The following GALNT17 variants were observed in gnomAD, a reference collection of about 807,000 sequenced individuals.
GALNT17 encodes polypeptide N-acetylgalactosaminyltransferase 17, also known as UDP-GalNAc:polypeptide N-acetylgalactosaminyltransferase-like 3.
GALNT17 carries 29 observed loss-of-function variants against 63.7 expected under a neutral mutation model. That is an observed-to-expected ratio of 0.46 (90% CI 0.34 to 0.62). The LOEUF (loss-of-function observed/expected upper bound fraction) is 0.62. Among genes scored for constraint, GALNT17 ranks in the 20% least tolerant of loss-of-function variants. The pLI is 0.01. For synonymous variants in GALNT17, 305 were observed against 318.3 expected (o/e 0.96, Z 0.45); for missense variants, 603 against 799.6 (o/e 0.75, Z 2.97).
chr7:71,227,788 A>C (rs1361612121), intron 1 of GALNT17, among the ~76,000 whole-genome samples: 1 of 152,152 alleles, frequency 6.6e-6, no homozygotes, highest in Admixed American at 6.5e-5. Context: ...TTTGCCAAAA[A>C]ACCCATTGCC....
At chr7:71,321,098 G>T (rs1312669785) in intron 1 of GALNT17, among the ~76,000 whole-genome samples, 1 of 152,134 alleles carries the variant, frequency 6.6e-6, no homozygotes, top group Admixed American at 6.5e-5. Flanking sequence ...CATGTGACCT[G>T]GTGTACAGTG....
At chr7:71,304,394 T>C (rs1348570269) in intron 1 of GALNT17, among the ~76,000 whole-genome samples, 2 of 152,206 alleles carry the variant, frequency 1.3e-5, no homozygotes, top group African/African-American at 4.8e-5. Flanking sequence ...TGGGTACAGA[T>C]GTTGTCTCTT....
intron 6 of GALNT17, among the ~76,000 whole-genome samples, chr7:71,664,015 AT>A (rs71302806): frequency 4.8e-4 from 66 of 137,280 alleles, no homozygotes; most frequent in Non-Finnish European, 6.7e-4. Context: ...CCATAAATTA[AT>A]TTTTTTTTTT....
intron 1 of GALNT17, among the ~76,000 whole-genome samples, chr7:71,186,807 A>C (rs541710624): frequency 1.4e-4 from 21 of 152,326 alleles, no homozygotes; most frequent in Admixed American, 4.6e-4. Flanking sequence ...GTACATCCAG[A>C]CTGGTGCTCT....
chr7:71,170,315 G>A (rs760741192), intron 1 of GALNT17, among the ~76,000 whole-genome samples: 2 of 151,824 alleles, frequency 1.3e-5, no homozygotes, highest in Non-Finnish European at 2.9e-5. Context: ...AAAAGTTGAA[G>A]CTTTATTTTT....
intron 1 of GALNT17, among the ~76,000 whole-genome samples, chr7:71,160,978 T>G (rs1788332148): frequency 6.6e-6 from 1 of 152,056 alleles, no homozygotes; most frequent in African/African-American, 2.4e-5. Flanking sequence ...GGACTACAGG[T>G]GCATGCCACT....
chr7:71,367,165 T>A (rs1321019840), intron 2 of GALNT17, among the ~76,000 whole-genome samples: 2 of 152,252 alleles, frequency 1.3e-5, no homozygotes, highest in African/African-American at 2.4e-5. Context: ...TTCATGTCTC[T>A]TGTAAAACCA....
intron 2 of GALNT17, among the ~76,000 whole-genome samples, chr7:71,386,489 G>A (rs1458105912): frequency 6.6e-6 from 1 of 152,020 alleles, no homozygotes; most frequent in Admixed American, 6.6e-5. Context: ...TTTCCAATGT[G>A]GCTTAGGCGT....
intron 1 of GALNT17, among the ~76,000 whole-genome samples, chr7:71,145,860 C>A (rs959637191): frequency 1.3e-5 from 2 of 152,102 alleles, no homozygotes; most frequent in Non-Finnish European, 2.9e-5. Context: ...CGGCCGCCAC[C>A]ACACCCCGCT....
intron 5 of GALNT17, among the ~76,000 whole-genome samples, chr7:71,502,592 A>G (rs1788198537): frequency 6.6e-6 from 1 of 152,194 alleles, no homozygotes; most frequent in African/African-American, 2.4e-5. Context: ...TGGGAAGACC[A>G]TGTGAACAGG....
At chr7:71,522,461 G>A (rs150451551) in intron 5 of GALNT17, among the ~76,000 whole-genome samples, 1,562 of 152,252 alleles carry the variant, frequency 0.01, 21 homozygotes, top group African/African-American at 0.036. Context: ...AGCAAGTCAC[G>A]TTTTACATGG....
chr7:71,632,046 C>T (rs1418728605), intron 6 of GALNT17, among the ~76,000 whole-genome samples: 1 of 151,392 alleles, frequency 6.6e-6, no homozygotes, highest in Admixed American at 6.6e-5. Flanking sequence ...CTGCATCCAG[C>T]CCTTTAAAGA....
chr7:71,700,318 A>G (rs912989085), intron 9 of GALNT17, among the ~76,000 whole-genome samples: 2 of 151,256 alleles, frequency 1.3e-5, no homozygotes, highest in Admixed American at 1.3e-4. Context: ...AAAAAAAAAA[A>G]AAGAAGAATT....
chr7:71,526,004 TG>T (rs1788618169), intron 5 of GALNT17, among the ~76,000 whole-genome samples: 1 of 152,042 alleles, frequency 6.6e-6, no homozygotes, highest in Admixed American at 6.6e-5. Context: ...CCTCCCAAAG[TG>T]CTGGGATTAC....
intron 5 of GALNT17, among the ~76,000 whole-genome samples, chr7:71,422,498 G>C (rs1786683959): frequency 6.6e-6 from 1 of 152,224 alleles, no homozygotes; most frequent in African/African-American, 2.4e-5. Flanking sequence ...AAAGTGAAAT[G>C]GGAGTGTTCC....
intron 5 of GALNT17, among the ~76,000 whole-genome samples, chr7:71,429,669 C>T (rs894578859): frequency 2.0e-5 from 3 of 152,060 alleles, no homozygotes; most frequent in Non-Finnish European, 2.9e-5. Context: ...CAGCCTCCAG[C>T]GGAGCTGGGA....
chr7:71,264,621 A>T (rs778036328), intron 1 of GALNT17, among the ~76,000 whole-genome samples: 1 of 152,210 alleles, frequency 6.6e-6, no homozygotes, highest in Admixed American at 6.5e-5. Context: ...TGTGGTGTGT[A>T]TGCACAGCAG....
At position 71,156,581 on chromosome 7, in the gene GALNT17, C is replaced by T. The variant is rs1788238791; in HGVS notation, c.238+23541C>T. The stretch of plus-strand genomic sequence containing the variant: ...AAATTCATTTATTCACATGAGATGT[C>T]CTTCCTTCCTTCCTTCCTTCCTTCC... On this transcript the variant is annotated intron_variant, in intron 1 of 10. Transcript: ENST00000333538. Among the ~76,000 whole-genome samples, 9 of 78,392 alleles carry T rather than the reference C, an allele frequency of 1.1e-4. No individual in the cohort carries two copies. In the South Asian group the frequency reaches 2.8e-3, roughly 24 times the overall value. 51.4% of individuals were successfully genotyped at this position (78,392 alleles called of 152,430 possible).
intron 6 of GALNT17, among the ~76,000 whole-genome samples, chr7:71,640,379 G>T (rs1790587041): frequency 6.6e-6 from 1 of 151,998 alleles, no homozygotes; most frequent in Admixed American, 6.6e-5. Context: ...TCTTGGCTTG[G>T]AATCCACTCA....
Sources: gnomAD v4.1 joint callset for allele counts (sites outside exome capture counted in the v4.1 genomes callset) on GRCh38, gnomAD v4.1.1 for gene constraint, MANE v1.5 for transcripts, NCBI Gene and HGNC (gene_info 2026-07-23, HGNC 2026-07-21) for gene names.